The following TNRC18 variants were observed in gnomAD, a reference collection of about 807,000 sequenced individuals.
The protein encoded by TNRC18 is trinucleotide repeat containing 18, also known as trinucleotide repeat-containing gene 18 protein.
In TNRC18, 69 loss-of-function variants were observed where a neutral mutation model predicts 226.7. The ratio of observed to expected loss-of-function variants is 0.30; its 90% CI spans 0.25 to 0.37. The LOEUF (loss-of-function observed/expected upper bound fraction) is 0.37. Among genes scored for constraint, TNRC18 ranks in the 10% least tolerant of loss-of-function variants. The pLI, the probability that TNRC18 is intolerant of heterozygous loss-of-function variation, is 1.00. For synonymous variants in TNRC18, 2,449 were observed against 1,927.6 expected, an observed-to-expected ratio of 1.27 and a Z score of -7.09; for missense variants, 4,754 against 4,256.6, an observed-to-expected ratio of 1.12 and a Z score of -3.25.
At chr7:5,382,557 G>C (rs1035415545) in intron 5 of TNRC18, among the ~76,000 whole-genome samples, 11 of 152,078 alleles carry the variant, frequency 7.2e-5, no homozygotes, top group Admixed American at 2.0e-4. Context: ...GATCGGGGGG[G>C]AGTGACTGGA....
intron 19 of TNRC18, among the ~76,000 whole-genome samples, chr7:5,329,470 G>A (rs1789279813): frequency 6.6e-6 from 1 of 151,736 alleles, no homozygotes; most frequent in African/African-American, 2.4e-5. Context: ...GATCATTTGA[G>A]GTCAGGAGTT....
intron 2 of TNRC18, among the ~76,000 whole-genome samples, chr7:5,413,975 T>C (rs142179485): frequency 0.02 from 3,049 of 152,248 alleles, 105 homozygotes; most frequent in African/African-American, 0.07. Flanking sequence ...TTTTTTGAGA[T>C]GGAGTCTCAT....
chr7:5,361,845 G>A (rs947892805), intron 13 of TNRC18, 52 bp downstream of exon 13: 3 of 1,509,768 alleles, frequency 2.0e-6, no homozygotes, highest in African/African-American at 1.4e-5. Flanking sequence ...GCGCCTGGGG[G>A]CCTGGTGGGC....
Position 5,345,632 on chromosome 7 carries a change from T to G in TNRC18, c.5649A>C (p.Pro1883=). Reference sequence around the variant, plus strand: ...CCTCCAGCTGTACCACAGACAGGGATGGACCCACCGTGGGGCTGGGGAGGG... The same window carrying G: ...CCTCCAGCTGTACCACAGACAGGGAGGGACCCACCGTGGGGCTGGGGAGGG... ...ASALPSPTVG[P]SLSVVQLEAK... is the part of the protein sequence containing the mutation. Residue 1883 remains proline (P), a synonymous_variant, in exon 18 of 30, where the codon CCA becomes CCC. Coordinates refer to ENST00000430969, the MANE Select transcript of TNRC18 (RefSeq NM_001080495.3). The G allele has an allele frequency of 6.4e-7, 1 of 1,558,434 alleles. No individual in the cohort carries two copies. The highest frequency in any genetic ancestry group is 8.7e-7 in the Non-Finnish European group (1 of 1,151,620).
intron 16 of TNRC18, 116 bp downstream of exon 16, chr7:5,356,800 G>C: frequency 2.9e-6 from 4 of 1,364,472 alleles, no homozygotes; most frequent in South Asian, 3.1e-5. Flanking sequence ...GCCCCAGAGA[G>C]AGAGCGAGAG....
rs541058659 is a variant in TNRC18 at position 5,399,982 on chromosome 7, C to T, written c.188-5387G>A. On this transcript the variant is annotated intron_variant, in intron 2 of 29. Transcript: ENST00000430969. The stretch of plus-strand genomic sequence containing the variant: ...ATGACTCACTGCAGCCTCAACCTCC[C>T]GGGCTCAAGCAATCGCCCCACCTTT... Among the ~76,000 whole-genome samples the T allele has an allele frequency of 9.9e-5, 15 of 152,214 alleles. No homozygotes were observed. The South Asian group carries it at 2.7e-3, about 27-fold the overall frequency.
chr7:5,366,049 A>G (rs1793582551), intron 11 of TNRC18, among the ~76,000 whole-genome samples: 1 of 152,118 alleles, frequency 6.6e-6, no homozygotes. Flanking sequence ...GGCAGTGTGC[A>G]AAGTTCCAGA....
At position 5,389,150 on chromosome 7, in the gene TNRC18, G is replaced by T; in HGVS notation, c.674C>A (p.Pro225Gln). Residue 225 changes from proline to glutamine, a missense_variant, in exon 5 of 30, where the codon CCG (proline) becomes CAG (glutamine). Pro to Gln is a moderately conservative substitution (Grantham distance 76, BLOSUM62 -1). Transcript: ENST00000430969. The part of the protein sequence containing the change: ...EPPPLFGKKD[P>Q]RARGEEASGP... ...CGAGGCCTCCTCGCCCCGGGCGCGC[G>T]GGTCCTTCTTGCCGAAAAGCGGAGG... 7.5e-7 allele frequency: 1 copy of T among 1,325,330 alleles called. No individual in the cohort carries two copies. The highest frequency in any genetic ancestry group is 9.6e-7 in the Non-Finnish European group (1 of 1,037,830). 82.1% of individuals were successfully genotyped at this position (1,325,330 alleles called of 1,614,324 possible).
rs147015099 is a variant in TNRC18 at position 5,317,420 on chromosome 7, T to G, written c.6746-1348A>C. 9.9e-5 allele frequency among the ~76,000 whole-genome samples: 15 copies of G among 152,152 alleles called. No individual in the cohort carries two copies. The East Asian group carries it at 2.3e-3, about 24-fold the overall frequency. ...GTCAGGCCAACATGGTGAAATCCTA[T>G]CTCTACTAAAAATACAAAAAATTAG... On this transcript the variant is annotated intron_variant, in intron 24 of 29. Transcript: ENST00000430969.
chr7:5,356,181 A>G (rs1333143545), intron 16 of TNRC18, among the ~76,000 whole-genome samples: 3 of 146,670 alleles, frequency 2.0e-5, no homozygotes, highest in East Asian at 2.0e-4. Flanking sequence ...AAAAAAAAAA[A>G]AAAGAAAGAA....
rs116695991 is a variant in TNRC18 at position 5,394,082 on chromosome 7, T to G, written c.343+358A>C. ...GAGTAGATCACACTAGGCCCTGAAC[T>G]CAGGGCTCACTCCGGTGGGAAAGCG... On this transcript the variant is annotated intron_variant, in intron 3 of 29. Transcript: ENST00000430969. This position sits in a 1 kb window ranked among gnomAD's most constrained non-coding sequence, Gnocchi z 4.5. 0.015 allele frequency among the ~76,000 whole-genome samples: 2,345 copies of G among 152,126 alleles called. 76 individuals carry two copies. The highest frequency in any genetic ancestry group is 0.053 in the African/African-American group (2,205 of 41,476).
At position 5,421,166 on chromosome 7, in the gene TNRC18, G is replaced by T. The variant is rs1276587020; in HGVS notation, c.81C>A (p.Ser27Arg). The T allele has an allele frequency of 1.4e-6, 2 of 1,420,530 alleles. No homozygotes were observed. The highest frequency in any genetic ancestry group is 2.4e-4 in the Middle Eastern group (1 of 4,228). 88.0% of individuals were successfully genotyped at this position (1,420,530 alleles called of 1,614,324 possible). Residue 27 changes from serine to arginine, a missense_variant, in exon 2 of 30, where the codon AGC becomes AGA. Physicochemically the swap from Ser to Arg is moderately radical, Grantham distance 110 (BLOSUM62 -1). Transcript: ENST00000430969. ...PPLLSGLAMDSHRVGAATAGR... is the reference protein window; with the variant it reads ...PPLLSGLAMDRHRVGAATAGR... Reference sequence around the variant, plus strand: ...CGGCAGTGGCCGCGCCCACGCGGTGGCTGTCCATGGCCAGGCCGGACAGCA... The same window carrying T: ...CGGCAGTGGCCGCGCCCACGCGGTGTCTGTCCATGGCCAGGCCGGACAGCA...
chr7:5,393,049 C>G (rs2128200897), intron 3 of TNRC18, among the ~76,000 whole-genome samples: 1 of 152,378 alleles, frequency 6.6e-6, no homozygotes, highest in Admixed American at 6.5e-5. Context: ...CCGGGCAGGG[C>G]TGGCTCTGAG....
At chr7:5,385,096 A>G (rs1427980831) in intron 5 of TNRC18, among the ~76,000 whole-genome samples, 2 of 152,188 alleles carry the variant, frequency 1.3e-5, no homozygotes, top group Non-Finnish European at 2.9e-5. Flanking sequence ...GAGGATGGGG[A>G]GACATGGCTG....
At position 5,377,335 on chromosome 7, in the gene TNRC18, T is replaced by G; in HGVS notation, c.2461+36A>C. On this transcript the variant is annotated intron_variant, in intron 7 of 29. Transcript: ENST00000430969. This position sits in a 1 kb window ranked among gnomAD's most constrained non-coding sequence, Gnocchi z 5.8. The stretch of plus-strand genomic sequence containing the variant: ...GCACCCGCCCCCTCCCACCCCTCCC[T>G]CAGAGAAGGGGAGAGACCCTGTGCC... The G allele has an allele frequency of 5.5e-6, 3 of 542,932 alleles. No individual in the cohort carries two copies. Among genetic ancestry groups the G allele is most frequent in the Non-Finnish European group, 9.3e-6 (3 of 322,904 alleles). 33.6% of individuals were successfully genotyped at this position (542,932 alleles called of 1,614,324 possible). A position where few individuals can be genotyped will look rare whatever the true frequency, so the allele number is the denominator to read the frequency against.
chr7:5,418,532 G>A (rs556438058), intron 2 of TNRC18, among the ~76,000 whole-genome samples: 165 of 152,234 alleles, frequency 1.1e-3, no homozygotes, highest in Non-Finnish European at 2.2e-3. Flanking sequence ...GCCTAGGAGG[G>A]GCTTTATAAG....
In TNRC18 at chr7:5,332,674, AG is replaced by A; in HGVS notation, c.6094del (p.Leu2032Ter). The stretch of plus-strand genomic sequence containing the variant: ...ACGCCCGGCGTCCTTGCGCGGGCTC[AG>A]GGGGCCGCCCTTGGCGCAGCGGCTG... ...KTSRCAKGGP[L>X]SPRKDAGRAK... On this transcript the variant is annotated frameshift_variant, in exon 19 of 30. Coordinates refer to ENST00000430969, the MANE Select transcript of TNRC18 (RefSeq NM_001080495.3). LOFTEE classifies it high-confidence loss of function. 8 of 1,529,708 alleles carry A rather than the reference AG, an allele frequency of 5.2e-6. No individual in the cohort carries two copies. Among genetic ancestry groups the A allele is most frequent in the East Asian group, 5.1e-5 (2 of 39,106 alleles). 94.8% of individuals were successfully genotyped at this position (1,529,708 alleles called of 1,614,324 possible). A position where few individuals can be genotyped will look rare whatever the true frequency, so the allele number is the denominator to read the frequency against.
chr7:5,345,517 G>GGCCCCCCCCCCCCCCC lies in TNRC18; in HGVS notation c.5719+44_5719+45insGGGGGGGGGGGGGGGC. ...CCTGTGGGATGGGGCAATGGCGTCC[G>GGCCCCCCCCCCCCCCC]CCCCTCCCACCCACCCCCACCGCAG... On this transcript the variant is annotated intron_variant, in intron 18 of 29. Coordinates refer to ENST00000430969, the MANE Select transcript of TNRC18 (RefSeq NM_001080495.3). The GGCCCCCCCCCCCCCCC allele has an allele frequency of 4.0e-5, 15 of 377,740 alleles. 3 individuals carry two copies. Among genetic ancestry groups the GGCCCCCCCCCCCCCCC allele is most frequent in the South Asian group, 2.2e-4 (5 of 22,822 alleles). 23.4% of individuals were successfully genotyped at this position (377,740 alleles called of 1,614,324 possible).
At chr7:5,335,301 CAAAAAA>C (rs1167746227) in intron 18 of TNRC18, among the ~76,000 whole-genome samples, 8 of 58,536 alleles carry the variant, frequency 1.4e-4, no homozygotes, top group East Asian at 5.9e-4. Flanking sequence ...GAATCTGTCT[CAAAAAA>C]AAAAAAAAAA....
Sources: gnomAD v4.1 joint callset for allele counts (sites outside exome capture counted in the v4.1 genomes callset) on GRCh38, gnomAD v4.1.1 for gene constraint, Gnocchi (gnomAD v3.1) non-coding constraint, MANE v1.5 for transcripts, NCBI Gene and HGNC (gene_info 2026-07-23, HGNC 2026-07-21) for gene names.